The following TAOK3 variants were observed in gnomAD, a reference collection of about 807,000 sequenced individuals.
The protein encoded by TAOK3 is serine/threonine-protein kinase TAO3.
A neutral mutation model predicts 120.4 loss-of-function variants in TAOK3; 40 were observed. That is an observed-to-expected ratio of 0.33 (90% CI 0.26 to 0.43). TAOK3 has a LOEUF of 0.43. Ranked by LOEUF, TAOK3 falls within the 20% of genes least tolerant of loss-of-function variation. The pLI, the probability that TAOK3 is intolerant of heterozygous loss-of-function variation, is 1.00. For missense variants in TAOK3, 821 were observed against 1,112.1 expected, an observed-to-expected ratio of 0.74 and a Z score of 3.72; for synonymous variants, 355 against 387.5, an observed-to-expected ratio of 0.92 and a Z score of 0.99.
intron 1 of TAOK3, among the ~76,000 whole-genome samples, chr12:118,280,927 G>A (rs1292499749): frequency 6.6e-6 from 1 of 152,162 alleles, no homozygotes; most frequent in African/African-American, 2.4e-5. Flanking sequence ...CTGGTTAGCT[G>A]TATTCCTAGG....
At chr12:118,308,765 A>G (rs570837666) in intron 1 of TAOK3, among the ~76,000 whole-genome samples, 1 of 151,906 alleles carries the variant, frequency 6.6e-6, no homozygotes, top group East Asian at 2.0e-4. Flanking sequence ...CCCTGTCTCT[A>G]CTAAAAATAC....
At chr12:118,252,821 G>A (rs1359306570) in intron 3 of TAOK3, among the ~76,000 whole-genome samples, 2 of 151,036 alleles carry the variant, frequency 1.3e-5, no homozygotes, top group South Asian at 4.2e-4. Context: ...CCGAGTTCAC[G>A]CCATTCTCCT....
At chr12:118,325,832 A>G (rs2043914589) in intron 1 of TAOK3, among the ~76,000 whole-genome samples, 1 of 152,072 alleles carries the variant, frequency 6.6e-6, no homozygotes, top group Admixed American at 6.6e-5. Context: ...GGTGCCCACC[A>G]CCATGTCAGC....
chr12:118,312,504 G>A (rs1216198620), intron 1 of TAOK3, among the ~76,000 whole-genome samples: 1 of 152,170 alleles, frequency 6.6e-6, no homozygotes, highest in Non-Finnish European at 1.5e-5. Context: ...TGGGGAAGTA[G>A]ACGGTAGCAA....
Position 118,152,255 on chromosome 12 carries a change from G to T in TAOK3, c.2507C>A (p.Ser836Tyr). ...RELQKLEQRV[S>Y]LRRAHLEQKI... ...CTGCTCAAGGTGTGCTCTGCGCAGA[G>T]ACACTCTCTGCTCTAGCTTCTGGAG... Residue 836 changes from serine to tyrosine, a missense_variant, in exon 20 of 21, where the codon TCT becomes TAT. This residue lies in a region of TAOK3 where 354 missense variants were observed against 572.1 expected (regional missense o/e 0.62). Coordinates refer to ENST00000392533, the MANE Select transcript of TAOK3 (RefSeq NM_016281.4). 2 of 1,614,186 alleles carry T rather than the reference G, an allele frequency of 1.2e-6. No homozygotes were observed. The highest frequency in any genetic ancestry group is 1.1e-5 in the South Asian group (1 of 91,074).
chr12:118,239,346 A>C, intron 5 of TAOK3, 74 bp from the exon 6 acceptor site: 4 of 820,550 alleles, frequency 4.9e-6, no homozygotes, highest in Non-Finnish European at 8.1e-6. Context: ...TAAACAACCA[A>C]TCAAGGAACT....
intron 1 of TAOK3, among the ~76,000 whole-genome samples, chr12:118,290,565 G>A (rs1025744870): frequency 6.6e-6 from 1 of 152,072 alleles, no homozygotes; most frequent in African/African-American, 2.4e-5. Flanking sequence ...ACCATAAGCT[G>A]CTTAAGGTTA....
At chr12:118,336,478 A>G (rs2044371211) in intron 1 of TAOK3, among the ~76,000 whole-genome samples, 1 of 152,210 alleles carries the variant, frequency 6.6e-6, no homozygotes, top group Admixed American at 6.5e-5. Flanking sequence ...TTAAATGTAA[A>G]CATAAAACTA....
chr12:118,203,695 A>T (rs1293599273), intron 11 of TAOK3, among the ~76,000 whole-genome samples: 1 of 123,276 alleles, frequency 8.1e-6, no homozygotes, highest in African/African-American at 3.0e-5. Context: ...AAAGAGTGAA[A>T]CTCCATCTCA....
At chr12:118,170,041 G>A (rs2035903585) in intron 17 of TAOK3, among the ~76,000 whole-genome samples, 1 of 152,124 alleles carries the variant, frequency 6.6e-6, no homozygotes, top group Non-Finnish European at 1.5e-5. Context: ...CTTAGTATAT[G>A]TCAAGTCCTG....
chr12:118,217,497 C>G (rs971455691), intron 9 of TAOK3, among the ~76,000 whole-genome samples: 1 of 151,730 alleles, frequency 6.6e-6, no homozygotes. Flanking sequence ...ACCAGCCTGG[C>G]CAACATGGTA....
intron 12 of TAOK3, 131 bp downstream of exon 12, chr12:118,201,165 A>G: frequency 1.2e-6 from 1 of 857,520 alleles, no homozygotes; most frequent in Non-Finnish European, 1.8e-6. Flanking sequence ...CTCTTGTACA[A>G]CCCTTCATGT....
intron 1 of TAOK3, among the ~76,000 whole-genome samples, chr12:118,352,657 T>C (rs1237335035): frequency 6.6e-6 from 1 of 152,128 alleles, no homozygotes; most frequent in African/African-American, 2.4e-5. Context: ...TGGACCCAAA[T>C]AGGAAAAATA....
intron 16 of TAOK3, among the ~76,000 whole-genome samples, chr12:118,176,728 C>G (rs1051074702): frequency 6.6e-6 from 1 of 151,074 alleles, no homozygotes; most frequent in Non-Finnish European, 1.5e-5. Context: ...ATCTGAAAAT[C>G]TGGGGGTGGG....
rs192333918 is a variant in TAOK3, at chr12:118,308,626, G to A, written c.-193-41867C>T. 1.6e-4 allele frequency among the ~76,000 whole-genome samples: 25 copies of A among 152,118 alleles called. 1 individual carries two copies. The East Asian group carries it at 2.5e-3, about 15-fold the overall frequency. On this transcript the variant is annotated intron_variant, in intron 1 of 20. Coordinates refer to ENST00000392533, the MANE Select transcript of TAOK3 (RefSeq NM_016281.4). ...AAAATGGTCTTGGGAGAATGTAGAC[G>A]GTGTAGAAAAGTCTGTAATTTGGCC...
In TAOK3 at chr12:118,150,901, ACGC is replaced by A. The variant is rs1382444805; in HGVS notation, c.*93_*95del. ...GTAAGAGAGAGAGAGAGTGAGAGCA[ACGC>A]CCGTTAAAATGGGGAATGTGGTTTT... On this transcript the variant is annotated 3_prime_UTR_variant, in exon 21 of 21. Coordinates refer to ENST00000392533, the MANE Select transcript of TAOK3 (RefSeq NM_016281.4). The A allele has an allele frequency of 1.6e-6, 2 of 1,216,536 alleles. No homozygotes were observed. The highest frequency in any genetic ancestry group is 2.3e-6 in the Non-Finnish European group (2 of 881,924). The allele number at this position is 1,216,536 out of a possible 1,614,324, so 75.4% of individuals were successfully genotyped here. A position where few individuals can be genotyped will look rare whatever the true frequency, so the allele number is the denominator to read the frequency against.
intron 19 of TAOK3, among the ~76,000 whole-genome samples, chr12:118,155,288 G>A (rs754930891): frequency 9.2e-5 from 14 of 152,240 alleles, no homozygotes; most frequent in Middle Eastern, 6.8e-3. Context: ...GAGCCGCTTC[G>A]CCCAGCCATA....
chr12:118,309,597 C>A (rs537886898), intron 1 of TAOK3, among the ~76,000 whole-genome samples: 1 of 151,762 alleles, frequency 6.6e-6, no homozygotes, highest in Admixed American at 6.6e-5. Flanking sequence ...CTCACTGCAA[C>A]CTCCGCCTTC....
chr12:118,369,102 C>T (rs2045828962), intron 1 of TAOK3, among the ~76,000 whole-genome samples: 1 of 151,718 alleles, frequency 6.6e-6, no homozygotes, highest in East Asian at 1.9e-4. Flanking sequence ...GCAAGAGGAT[C>T]GCTTGATCTT....
Sources: allele counts gnomAD v4.1 joint callset (sites outside exome capture counted in the v4.1 genomes callset), GRCh38; gene constraint gnomAD v4.1.1; regional missense constraint gnomAD v4.1.1; transcripts MANE v1.5; gene names NCBI Gene and HGNC (gene_info 2026-07-23, HGNC 2026-07-21).